Variants in COL19A1 observed in about 807,000 individuals in gnomAD.
The protein encoded by COL19A1 is collagen type XIX alpha 1 chain.
COL19A1 carries 159 observed loss-of-function variants against 190.2 expected under a neutral mutation model. That is an observed-to-expected ratio of 0.84 (90% CI 0.73 to 0.95). The LOEUF (loss-of-function observed/expected upper bound fraction) is 0.95. Ranked by LOEUF, COL19A1 falls within the 40% of genes least tolerant of loss-of-function variation. COL19A1 has a pLI of 0.00. For missense variants in COL19A1, 1,418 were observed against 1,431.9 expected, an observed-to-expected ratio of 0.99 and a Z score of 0.16; for synonymous variants, 509 against 458.9, an observed-to-expected ratio of 1.11 and a Z score of -1.39.
chr6:69,972,789 T>C (rs1775505973), intron 11 of COL19A1, among the ~76,000 whole-genome samples: 2 of 152,242 alleles, frequency 1.3e-5, no homozygotes, highest in African/African-American at 2.4e-5. Flanking sequence ...ACATTGCCTT[T>C]TGGCAGGCAC....
At chr6:70,086,052 C>A (rs187983498) in intron 15 of COL19A1, among the ~76,000 whole-genome samples, 3 of 152,084 alleles carry the variant, frequency 2.0e-5, no homozygotes, top group Non-Finnish European at 4.4e-5. Flanking sequence ...ATGGTTAGTT[C>A]TTTTCTGGGG....
intron 11 of COL19A1, among the ~76,000 whole-genome samples, chr6:69,997,385 C>T (rs534259634): frequency 7.4e-4 from 112 of 152,198 alleles, no homozygotes; most frequent in African/African-American, 2.6e-3. Flanking sequence ...GCCTGTAATC[C>T]CAACAGAAGC....
intron 14 of COL19A1, among the ~76,000 whole-genome samples, chr6:70,063,170 G>A (rs1422503733): frequency 6.6e-6 from 1 of 152,128 alleles, no homozygotes; most frequent in Admixed American, 6.6e-5. Flanking sequence ...CAAATCAACA[G>A]AATATACATT....
intron 6 of COL19A1, among the ~76,000 whole-genome samples, chr6:69,930,523 T>C (rs1405493882): frequency 6.6e-6 from 1 of 152,072 alleles, no homozygotes; most frequent in Non-Finnish European, 1.5e-5. Flanking sequence ...CACCCAAGGA[T>C]AGAATTGATC....
chr6:69,866,889 G>C (rs1309086797), intron 1 of COL19A1, among the ~76,000 whole-genome samples: 1 of 152,160 alleles, frequency 6.6e-6, no homozygotes, highest in Non-Finnish European at 1.5e-5. Flanking sequence ...TACATACCAT[G>C]TAGTTCGTGT....
chr6:70,175,254 T>G (rs759076804), intron 41 of COL19A1, among the ~76,000 whole-genome samples: 10 of 152,176 alleles, frequency 6.6e-5, no homozygotes, highest in African/African-American at 1.7e-4. Context: ...ATCTTTGCCT[T>G]TCATTTTTAC....
At chr6:69,977,702 C>G (rs1775800022) in intron 11 of COL19A1, among the ~76,000 whole-genome samples, 1 of 151,916 alleles carries the variant, frequency 6.6e-6, no homozygotes, top group South Asian at 2.1e-4. Context: ...TTTATAGAAA[C>G]TGAACATTTC....
chr6:69,871,499 T>C lies in COL19A1; in HGVS notation c.-33+4859T>C, dbSNP rs1481546797. 5.3e-5 allele frequency among the ~76,000 whole-genome samples: 8 copies of C among 152,236 alleles called. No individual in the cohort carries two copies. The East Asian group carries it at 1.5e-3, about 29-fold the overall frequency. On this transcript the variant is annotated intron_variant, in intron 1 of 50. Transcript: ENST00000620364. ...GAGTCATTTAACAAATTAAATCTAC[T>C]TTTTTGAGAGTTGAGATGCCATGTA...
chr6:69,905,014 T>G (rs1343288577), intron 4 of COL19A1, among the ~76,000 whole-genome samples: 5 of 152,092 alleles, frequency 3.3e-5, no homozygotes, highest in African/African-American at 4.8e-5. Flanking sequence ...ACAGGAGACC[T>G]ATCCACTGCC....
Position 70,156,360 on chromosome 6 carries a change from G to T in COL19A1, c.2229G>T (p.Glu743Asp). 6.2e-7 allele frequency: 1 copy of T among 1,613,280 alleles called. No homozygotes were observed. The highest frequency in any genetic ancestry group is 8.5e-7 in the Non-Finnish European group (1 of 1,179,542). ...PRGPPGIPGR[E>D]GPKGSKGERG... Reference sequence around the variant, plus strand: ...GTCCTCCAGGAATCCCAGGAAGAGAGGGACCAAAGGTAAGAAATTCTCTCC... The same window carrying T: ...GTCCTCCAGGAATCCCAGGAAGAGATGGACCAAAGGTAAGAAATTCTCTCC... Residue 743 changes from glutamate to aspartate, a missense_variant, in exon 33 of 51, where the codon GAG becomes GAT. Glu to Asp is a conservative substitution (Grantham distance 45). Coordinates refer to ENST00000620364, the MANE Select transcript of COL19A1 (RefSeq NM_001858.6).
chr6:70,186,172 C>T (rs746763941), intron 46 of COL19A1, among the ~76,000 whole-genome samples: 5 of 152,148 alleles, frequency 3.3e-5, no homozygotes, highest in Non-Finnish European at 7.4e-5. Context: ...CCTTATTTCA[C>T]TTACCTAGTC....
At chr6:69,934,109 G>A (rs535251094) in intron 7 of COL19A1, among the ~76,000 whole-genome samples, 4 of 152,050 alleles carry the variant, frequency 2.6e-5, no homozygotes, top group East Asian at 3.9e-4. Flanking sequence ...CCAAAGCATA[G>A]CTTAAAGCAT....
chr6:69,924,777 T>C (rs1334320975), intron 4 of COL19A1, among the ~76,000 whole-genome samples: 2 of 152,192 alleles, frequency 1.3e-5, no homozygotes, highest in Non-Finnish European at 2.9e-5. Context: ...TGATTGCCAT[T>C]CTAACTGGTG....
At chr6:70,068,395 A>C in intron 14 of COL19A1, 28 bp from the exon 15 acceptor site, 1 of 1,433,702 alleles carries the variant, frequency 7.0e-7, no homozygotes, top group Non-Finnish European at 9.9e-7. Flanking sequence ...GAAACAGTGT[A>C]TTAACATGTG....
At chr6:70,121,746 A>T (rs1163509247) in intron 16 of COL19A1, 134 bp from the exon 17 acceptor site, 2 of 594,414 alleles carry the variant, frequency 3.4e-6, no homozygotes, top group Non-Finnish European at 5.9e-6. Flanking sequence ...TTCTCTATTA[A>T]TCAGAATATT....
At chr6:69,873,998 G>A (rs1767986239) in intron 1 of COL19A1, among the ~76,000 whole-genome samples, 1 of 152,184 alleles carries the variant, frequency 6.6e-6, no homozygotes, top group Admixed American at 6.5e-5. Context: ...ATTAAAATCT[G>A]ACAACATTGG....
intron 2 of COL19A1, among the ~76,000 whole-genome samples, chr6:69,885,829 A>G (rs550075317): frequency 6.6e-6 from 1 of 152,146 alleles, no homozygotes; most frequent in South Asian, 2.1e-4. Context: ...AGGCTGAATA[A>G]TATTCCATTG....
At chr6:70,176,204 A>G (rs1765794227) in intron 41 of COL19A1, among the ~76,000 whole-genome samples, 1 of 152,220 alleles carries the variant, frequency 6.6e-6, no homozygotes, top group African/African-American at 2.4e-5. Flanking sequence ...GAATAAAAAT[A>G]TTGACTAATT....
At chr6:70,158,341 A>G (rs541759324) in intron 34 of COL19A1, among the ~76,000 whole-genome samples, 1 of 152,234 alleles carries the variant, frequency 6.6e-6, no homozygotes, top group African/African-American at 2.4e-5. Flanking sequence ...CCAATGAACT[A>G]TACCATTTCA....
Sources: allele counts gnomAD v4.1 joint callset (sites outside exome capture counted in the v4.1 genomes callset), GRCh38; gene constraint gnomAD v4.1.1; transcripts MANE v1.5; gene names NCBI Gene and HGNC (gene_info 2026-07-23, HGNC 2026-07-21).